Variants in DNASE1 observed in about 807,000 individuals in gnomAD.
DNASE1 encodes deoxyribonuclease 1, also known as deoxyribonuclease-1.
In DNASE1, 40 loss-of-function variants were observed where a neutral mutation model predicts 33.9. The observed-to-expected ratio is 1.18, with a 90% CI of 0.92 to 1.54. DNASE1 has a LOEUF of 1.54. Among genes scored for constraint, DNASE1 ranks in the 40% most tolerant of loss-of-function variants. The probability of loss-of-function intolerance (pLI) is 0.00; values close to 1 mark genes in which losing one functional copy is unlikely to be tolerated. For synonymous variants in DNASE1, 216 were observed against 160.0 expected, an observed-to-expected ratio of 1.35 and a Z score of -2.64; for missense variants, 518 against 372.6, an observed-to-expected ratio of 1.39 and a Z score of -3.21.
Position 3,656,752 on chromosome 16 carries a change from A to C in DNASE1, c.435A>C (p.Thr145=), listed in dbSNP as rs752055359. Reference sequence around the variant, plus strand: ...TTGTCAGGTTCTTCTCCCGGTTCACAGGTGGGTGCTGCCTGGGCCAGGGTG... The same window carrying C: ...TTGTCAGGTTCTTCTCCCGGTTCACCGGTGGGTGCTGCCTGGGCCAGGGTG... ...PAIVRFFSRF[T]EVREFAIVPL... is the part of the protein sequence containing the mutation. Residue 145 remains threonine (T), a splice_region_variant and synonymous_variant, in exon 5 of 9, where the codon ACA becomes ACC. Transcript: ENST00000246949. The C allele has an allele frequency of 1.9e-6, 3 of 1,604,530 alleles. No homozygotes were observed. The Admixed American group carries it at 5.1e-5, about 27-fold the overall frequency.
At chr16:3,632,334 G>T (rs755141127) in intron 1 of DNASE1, among the ~76,000 whole-genome samples, 1 of 152,180 alleles carries the variant, frequency 6.6e-6, no homozygotes, top group Non-Finnish European at 1.5e-5. Context: ...CTATAATAGT[G>T]AATTCATCTG....
At position 3,658,050 on chromosome 16, in the gene DNASE1, T is replaced by C. The variant is rs956798537; in HGVS notation, c.*97T>C. On this transcript the variant is annotated 3_prime_UTR_variant, in exon 9 of 9. Coordinates refer to ENST00000246949, the MANE Select transcript of DNASE1 (RefSeq NM_005223.4). The stretch of plus-strand genomic sequence containing the variant: ...CCCAACACACACTCGGGTTAAGAAA[T>C]ACCTTTAAATTTAGGTAAATAAAGC... 2.5e-6 allele frequency: 4 copies of C among 1,607,280 alleles called. No individual in the cohort carries two copies. The highest frequency in any genetic ancestry group is 3.4e-6 in the Non-Finnish European group (4 of 1,175,920).
At chr16:3,658,776 T>TA, downstream of DNASE1, 1 of 1,611,566 alleles carries the variant, frequency 6.2e-7, no homozygotes, top group Non-Finnish European at 8.5e-7. Context: ...GCAGTCATCC[T>TA]AAGCTGCTGC....
At chr16:3,628,826 T>C (rs2041606665) in intron 1 of DNASE1, among the ~76,000 whole-genome samples, 1 of 147,922 alleles carries the variant, frequency 6.8e-6, no homozygotes, top group Non-Finnish European at 1.5e-5. Flanking sequence ...CCCAAAGTGC[T>C]GGGATTACAG....
At chr16:3,625,715 A>C (rs1596569303) in intron 1 of DNASE1, among the ~76,000 whole-genome samples, 2 of 152,212 alleles carry the variant, frequency 1.3e-5, no homozygotes, top group African/African-American at 2.4e-5. Context: ...GGTAGGCAAA[A>C]AATTCTTAAA....
At chr16:3,657,647 T>C in intron 7 of DNASE1, 73 bp from the exon 8 acceptor site, 1 of 1,587,828 alleles carries the variant, frequency 6.3e-7, no homozygotes, top group Non-Finnish European at 8.6e-7. Context: ...GGCTCTTAGT[T>C]TAGTTCCTGC....
intron 1 of DNASE1, among the ~76,000 whole-genome samples, chr16:3,648,815 T>A (rs1169302592): frequency 6.6e-6 from 1 of 152,244 alleles, no homozygotes; most frequent in Non-Finnish European, 1.5e-5. Flanking sequence ...AAAGATTGGA[T>A]GTTTTATAGG....
intron 1 of DNASE1, among the ~76,000 whole-genome samples, chr16:3,630,802 A>T (rs1239041404): frequency 6.6e-6 from 1 of 152,010 alleles, no homozygotes; most frequent in African/African-American, 2.4e-5. Flanking sequence ...AGGAGTTCAA[A>T]TCTAGCCTGA....
At position 3,655,355 on chromosome 16, in the gene DNASE1, T is replaced by C. The variant is rs1029409874; in HGVS notation, c.-1-18T>C. On this transcript the variant is annotated intron_variant, in intron 1 of 8. Transcript: ENST00000246949. ...ACGTCTCACTTCTGTTATGTCTCTG[T>C]GCCCTGTGCTCTCCCAGGATGAGGG... The C allele has an allele frequency of 6.2e-7, 1 of 1,613,818 alleles. No individual in the cohort carries two copies. Among genetic ancestry groups the C allele is most frequent in the Non-Finnish European group, 8.5e-7 (1 of 1,180,002 alleles).
rs553390603 is a variant in DNASE1, at chr16:3,627,666, A to G, written c.-1358-13049A>G. 5.3e-5 allele frequency among the ~76,000 whole-genome samples: 8 copies of G among 152,280 alleles called. No homozygotes were observed. The South Asian group carries it at 6.2e-4, about 12-fold the overall frequency. ...CTCAGCAACATTTATTAAAAAGACT[A>G]TCTTTTCCCCGTTGAATGGTCTTGG... is the stretch of plus-strand genomic sequence containing the variant. On this transcript the variant is annotated intron_variant and NMD_transcript_variant, in intron 1 of 11. Coordinates refer to the DNASE1 transcript ENST00000570769.
chr16:3,641,839 G>A (rs2042031153), upstream of DNASE1, among the ~76,000 whole-genome samples: 1 of 152,304 alleles, frequency 6.6e-6, no homozygotes, highest in East Asian at 1.9e-4. Context: ...GGTGCCTGGG[G>A]GCTGGAAGGA....
At chr16:3,651,050 C>G (rs1007899565), upstream of DNASE1, 1 of 152,200 alleles carries the variant, frequency 6.6e-6, no homozygotes, top group African/African-American at 2.4e-5. Flanking sequence ...GGTTGGAAAC[C>G]ACAGCTGTGC....
chr16:3,612,863 G>C (rs747215030), intron 1 of DNASE1, among the ~76,000 whole-genome samples: 2 of 152,130 alleles, frequency 1.3e-5, no homozygotes, highest in African/African-American at 4.8e-5. Flanking sequence ...TAGTCAAGAC[G>C]CAGTTGTTAA....
intron 1 of DNASE1, among the ~76,000 whole-genome samples, chr16:3,622,537 A>G (rs2041359527): frequency 6.6e-6 from 1 of 152,194 alleles, no homozygotes; most frequent in Admixed American, 6.5e-5. Flanking sequence ...ATTGATTTGT[A>G]AGAACTCTAT....
rs374469460 is a variant in DNASE1, at chr16:3,656,982, C to A, written c.437-17C>A. On this transcript the variant is annotated splice_polypyrimidine_tract_variant and intron_variant, in intron 5 of 8. Coordinates refer to ENST00000246949, the MANE Select transcript of DNASE1 (RefSeq NM_005223.4). ...CCCCCAGGGAGTGTGCCTCACACGACGTGGCTGTCTCCACAGAGGTCAGGG... is the reference window on the plus strand; with the variant it reads ...CCCCCAGGGAGTGTGCCTCACACGAAGTGGCTGTCTCCACAGAGGTCAGGG... 6.9e-5 allele frequency: 112 copies of A among 1,611,944 alleles called. No individual in the cohort carries two copies. The highest frequency in any genetic ancestry group is 1.6e-4 in the Middle Eastern group (1 of 6,070).
intron 1 of DNASE1, among the ~76,000 whole-genome samples, chr16:3,647,835 C>G (rs1224542072): frequency 6.6e-6 from 1 of 152,036 alleles, no homozygotes; most frequent in African/African-American, 2.4e-5. Flanking sequence ...GAGATCCCCA[C>G]CCCATCTCTA....
intron 2 of DNASE1, 130 bp downstream of exon 2, chr16:3,655,650 G>A: frequency 6.7e-7 from 1 of 1,484,152 alleles, no homozygotes; most frequent in Non-Finnish European, 9.2e-7. Context: ...CCAGCACGGT[G>A]GAACAGGCTC....
rs758781686 is a variant in DNASE1 at position 3,657,275 on chromosome 16, C to G, written c.638C>G (p.Thr213Ser). The change falls in exon 7 of 9, where the codon ACC (threonine) becomes AGC (serine). Residue 213 changes from threonine to serine, a missense_variant. By Grantham distance (58) the Thr-to-Ser change is moderately conservative. Coordinates refer to ENST00000246949, the MANE Select transcript of DNASE1 (RefSeq NM_005223.4). Reference sequence around the variant, plus strand: ...TCCATCCGCCTGTGGACAAGCCCCACCTTCCAGTGGCTGATCCCCGACAGC... The same window carrying G: ...TCCATCCGCCTGTGGACAAGCCCCAGCTTCCAGTGGCTGATCCCCGACAGC... Reference protein sequence around the residue: ...WSSIRLWTSPTFQWLIPDSAD... With the variant: ...WSSIRLWTSPSFQWLIPDSAD... 1 of 1,614,048 alleles carries G rather than the reference C, an allele frequency of 6.2e-7. No homozygotes were observed. Among genetic ancestry groups the G allele is most frequent in the East Asian group, 2.2e-5 (1 of 44,882 alleles).
At chr16:3,642,306 C>A (rs530750861), upstream of DNASE1, among the ~76,000 whole-genome samples, 15 of 152,360 alleles carry the variant, frequency 9.8e-5, 1 homozygote, top group African/African-American at 3.6e-4. Context: ...TAGGAGCCAT[C>A]CTTGGGCACT....
Sources: gnomAD v4.1 joint callset for allele counts (sites outside exome capture counted in the v4.1 genomes callset) on GRCh38, gnomAD v4.1.1 for gene constraint, MANE v1.5 for transcripts, NCBI Gene and HGNC (gene_info 2026-07-23, HGNC 2026-07-21) for gene names.